SELENOT: variants seen among roughly 807,000 people sequenced by gnomAD.
SELENOT encodes the protein thioredoxin reductase-like selenoprotein T.
SELENOT carries 9 observed loss-of-function variants against 24.3 expected under a neutral mutation model. The ratio of observed to expected loss-of-function variants is 0.37; its 90% confidence interval spans 0.22 to 0.65. The LOEUF (loss-of-function observed/expected upper bound fraction) is 0.65, where lower values mean the gene tolerates loss of function less well. SELENOT is among the 30% of genes least tolerant of loss of function. The pLI is 0.60. For synonymous variants in SELENOT, 81 were observed against 86.0 expected (o/e 0.94, Z 0.32); for missense variants, 166 against 247.6 (o/e 0.67, Z 2.21).
At chr3:150,611,174 C>A in intron 1 of SELENOT, 1 of 691,080 alleles carries the variant, frequency 1.4e-6, no homozygotes, top group East Asian at 2.8e-5. Flanking sequence ...AAATCTTTTG[C>A]AGAAAAAATA....
chr3:150,625,848 C>G (rs1466401096), intron 4 of SELENOT, among the ~76,000 whole-genome samples: 1 of 151,516 alleles, frequency 6.6e-6, no homozygotes, highest in African/African-American at 2.4e-5. Flanking sequence ...AAAAATTGAC[C>G]AATATCTGTT....
intron 1 of SELENOT, among the ~76,000 whole-genome samples, chr3:150,615,186 G>A (rs1484291360): frequency 4.0e-5 from 6 of 150,838 alleles, no homozygotes; most frequent in Admixed American, 2.0e-4. Context: ...CCCTACAAAG[G>A]ACATGAATGC....
chr3:150,629,281 T>C lies in SELENOT; in HGVS notation c.*1652T>C, dbSNP rs1328475954. ...AAGTGGCTGTCCTTTTAATTAAGAG[T>C]GTGGAGTCATAAACTTAAGTTCTTC... On this transcript the variant is annotated 3_prime_UTR_variant, in exon 6 of 6. Transcript: ENST00000471696. The C allele has an allele frequency of 6.6e-6, 1 of 152,374 alleles. No homozygotes were observed. Among genetic ancestry groups the C allele is most frequent in the Non-Finnish European group, 1.5e-5 (1 of 68,012 alleles). 9.4% of individuals were successfully genotyped at this position (152,374 alleles called of 1,614,324 possible). A position where few individuals can be genotyped will look rare whatever the true frequency, so the allele number is the denominator to read the frequency against.
At chr3:150,620,304 G>T (rs1255449573) in intron 1 of SELENOT, among the ~76,000 whole-genome samples, 3 of 152,190 alleles carry the variant, frequency 2.0e-5, no homozygotes, top group Non-Finnish European at 2.9e-5. Context: ...GAGGCCAATT[G>T]TATAGGTACC....
chr3:150,625,901 G>A (rs555166360), intron 4 of SELENOT, among the ~76,000 whole-genome samples: 15 of 141,778 alleles, frequency 1.1e-4, no homozygotes, highest in African/African-American at 2.6e-4. Context: ...ACGGAGTCTC[G>A]CTGTGTCGCC....
chr3:150,618,193 A>G (rs961118047), intron 1 of SELENOT, among the ~76,000 whole-genome samples: 1 of 151,902 alleles, frequency 6.6e-6, no homozygotes, highest in East Asian at 1.9e-4. Context: ...TAGAGAAGGA[A>G]CTCTGTTTGG....
rs747769015 is a variant in SELENOT at position 150,628,643 on chromosome 3, T to G, written c.*1014T>G. On this transcript the variant is annotated 3_prime_UTR_variant, in exon 6 of 6. Transcript: ENST00000471696. ...CTAACATCATATATCAGAATTTTAT[T>G]GTATATGATGAACAAAACTTAAAAT... 5 of 152,188 alleles carry G rather than the reference T, an allele frequency of 3.3e-5. No homozygotes were observed. Among genetic ancestry groups the G allele is most frequent in the Non-Finnish European group, 7.4e-5 (5 of 68,012 alleles). 9.4% of individuals were successfully genotyped at this position (152,188 alleles called of 1,614,324 possible). A position where few individuals can be genotyped will look rare whatever the true frequency, so the allele number is the denominator to read the frequency against.
chr3:150,616,010 C>T (rs1305606517), intron 1 of SELENOT, among the ~76,000 whole-genome samples: 1 of 152,034 alleles, frequency 6.6e-6, no homozygotes, highest in East Asian at 1.9e-4. Flanking sequence ...AGATATAGAT[C>T]AATGGAACAG....
Position 150,622,405 on chromosome 3 carries a change from G to T in SELENOT, c.158G>T (p.Arg53Leu). ...TGCAGTGTTTCCTGAGGTTATAGGC[G>T]GGTGTTTGAGGAGTACATGCGGGTT... Reference protein sequence around the residue: ...FQICVSUGYRRVFEEYMRVIS... With the variant: ...FQICVSUGYRLVFEEYMRVIS... The change falls in exon 2 of 6, where the codon CGG (arginine) becomes CTG (leucine). Residue 53 changes from arginine (R) to leucine (L), a missense_variant. Transcript: ENST00000471696. 1 of 1,467,380 alleles carries T rather than the reference G, an allele frequency of 6.8e-7. No individual in the cohort carries two copies. Among genetic ancestry groups the T allele is most frequent in the South Asian group, 1.4e-5 (1 of 72,150 alleles). 90.9% of individuals were successfully genotyped at this position (1,467,380 alleles called of 1,614,324 possible).
intron 1 of SELENOT, among the ~76,000 whole-genome samples, chr3:150,611,062 A>G (rs1489814380): frequency 6.6e-6 from 1 of 150,572 alleles, no homozygotes; most frequent in East Asian, 2.0e-4. Context: ...CTTTTTTAAT[A>G]GTAATAACCT....
chr3:150,608,954 A>G (rs967103836), intron 1 of SELENOT, among the ~76,000 whole-genome samples: 3 of 152,230 alleles, frequency 2.0e-5, no homozygotes, highest in Admixed American at 2.0e-4. Flanking sequence ...TAGAAATACC[A>G]AGATAACCCC....
rs376020174 is a variant in SELENOT at position 150,627,016 on chromosome 3, C to A, written c.470C>A (p.Pro157His). 40 of 1,610,968 alleles carry A rather than the reference C, an allele frequency of 2.5e-5. No individual in the cohort carries two copies. Among genetic ancestry groups the A allele is most frequent in the Non-Finnish European group, 3.2e-5 (38 of 1,179,214 alleles). Residue 157 changes from proline to histidine, a missense_variant, in exon 5 of 6, where the codon CCT becomes CAT. Pro to His is a moderately conservative substitution (Grantham distance 77, BLOSUM62 -2). Around this residue, in one of 5 missense-constraint regions of SELENOT, gnomAD observed 44 missense variants for 72.2 expected, o/e 0.61. Transcript: ENST00000471696. Reference protein sequence around the residue: ...GAFEITLNDVPVWSKLESGHL... With the variant: ...GAFEITLNDVHVWSKLESGHL... ...GTGCCATTTATTTTTATAGATGTAC[C>A]TGTGTGGTCTAAGCTGGAATCTGGT...
chr3:150,619,299 A>G (rs1303815414), intron 1 of SELENOT, among the ~76,000 whole-genome samples: 4 of 151,582 alleles, frequency 2.6e-5, no homozygotes, highest in Non-Finnish European at 4.4e-5. Context: ...TGGGAAGCCG[A>G]GGCGGGTGGA....
chr3:150,619,925 C>A (rs1222771677), intron 1 of SELENOT, among the ~76,000 whole-genome samples: 2 of 152,188 alleles, frequency 1.3e-5, no homozygotes, highest in Non-Finnish European at 2.9e-5. Context: ...GAGGAATATG[C>A]ATAAGTAAAC....
chr3:150,616,680 T>C (rs1726225204), intron 1 of SELENOT, among the ~76,000 whole-genome samples: 1 of 152,208 alleles, frequency 6.6e-6, no homozygotes, highest in Admixed American at 6.5e-5. Flanking sequence ...AGAATGGCAG[T>C]CATTAAAAAG....
rs1032601294 is a variant in SELENOT at position 150,629,462 on chromosome 3, C to T, written c.*1833C>T. ...TGCCTTCTGCAAGTTGAATGTCTTG[C>T]TGAATGTGTCTAGGGGTTCATCTTC... On this transcript the variant is annotated 3_prime_UTR_variant, in exon 6 of 6. Transcript: ENST00000471696. 4.6e-5 allele frequency: 7 copies of T among 152,634 alleles called. No individual in the cohort carries two copies. Among genetic ancestry groups the T allele is most frequent in the Non-Finnish European group, 1.5e-5 (1 of 68,030 alleles). 9.5% of individuals were successfully genotyped at this position (152,634 alleles called of 1,614,324 possible). A position where few individuals can be genotyped will look rare whatever the true frequency, so the allele number is the denominator to read the frequency against.
chr3:150,626,903 A>G (rs1035084294), intron 4 of SELENOT, 107 bp from the exon 5 acceptor site: 2 of 1,155,588 alleles, frequency 1.7e-6, no homozygotes, highest in Admixed American at 2.8e-5. Context: ...TTTTTTGCCT[A>G]CTTTTGTATC....
intron 1 of SELENOT, among the ~76,000 whole-genome samples, chr3:150,605,280 CTT>C (rs970198781): frequency 2.6e-5 from 4 of 152,142 alleles, no homozygotes; most frequent in Admixed American, 2.6e-4. Flanking sequence ...ACTTTTATCT[CTT>C]GGTTGTATTT....
At chr3:150,617,612 G>A (rs1026708715) in intron 1 of SELENOT, among the ~76,000 whole-genome samples, 2 of 152,068 alleles carry the variant, frequency 1.3e-5, no homozygotes, top group African/African-American at 4.8e-5. Context: ...GACCCTCCAC[G>A]TCTTAGAAGC....
Sources: allele counts gnomAD v4.1 joint callset (sites outside exome capture counted in the v4.1 genomes callset), GRCh38; gene constraint gnomAD v4.1.1; regional missense constraint gnomAD v4.1.1; transcripts MANE v1.5; gene names NCBI Gene and HGNC (gene_info 2026-07-23, HGNC 2026-07-21).